Variants in DTD1 observed in about 807,000 individuals in gnomAD.
The protein encoded by DTD1 is D-tyrosyl-tRNA deacylase 1 homolog.
Under a neutral mutation model 25.6 loss-of-function variants are expected in DTD1, and 13 were observed. The ratio of observed to expected loss-of-function variants is 0.51; its 90% CI spans 0.33 to 0.81. The LOEUF (loss-of-function observed/expected upper bound fraction) is 0.81, where lower values mean the gene tolerates loss of function less well. DTD1 is among the 30% of genes least tolerant of loss of function. DTD1 has a pLI of 0.02. For synonymous variants in DTD1, 110 were observed against 103.6 expected, an observed-to-expected ratio of 1.06 and a Z score of -0.37; for missense variants, 193 against 266.4, an observed-to-expected ratio of 0.72 and a Z score of 1.92.
chr20:18,641,269 T>A (rs2060827147), intron 4 of DTD1, among the ~76,000 whole-genome samples: 1 of 152,216 alleles, frequency 6.6e-6, no homozygotes, highest in South Asian at 2.1e-4. Flanking sequence ...TTGTTTCCAC[T>A]TTTTCATTAT....
chr20:18,707,170 C>T (rs1189363152), intron 4 of DTD1, among the ~76,000 whole-genome samples: 1 of 152,234 alleles, frequency 6.6e-6, no homozygotes, highest in African/African-American at 2.4e-5. Context: ...CTCCCGTTTC[C>T]TTAGCTCCCT....
chr20:18,596,150 C>T lies in DTD1; in HGVS notation c.279C>T (p.Phe93=). Reference sequence around the variant, plus strand: ...TCCTGAAGGGAAACAAGCCTGATTTCCACCTAGCAATGCCCACGGAGCAGG... The same window carrying T: ...TCCTGAAGGGAAACAAGCCTGATTTTCACCTAGCAATGCCCACGGAGCAGG... ...QCVLKGNKPD[F]HLAMPTEQAE... is the part of the protein sequence containing the mutation. Residue 93 remains phenylalanine (F), a synonymous_variant, in exon 3 of 6, where the codon TTC becomes TTT. Transcript: ENST00000377452. The T allele has an allele frequency of 6.2e-7, 1 of 1,614,188 alleles. No homozygotes were observed. The highest frequency in any genetic ancestry group is 8.5e-7 in the Non-Finnish European group (1 of 1,180,034).
intron 1 of DTD1, 72 bp from the exon 2 acceptor site, chr20:18,593,659 T>C: frequency 9.5e-7 from 1 of 1,055,064 alleles, no homozygotes; most frequent in South Asian, 1.3e-5. Context: ...AAAATACTCC[T>C]ATGGTTACTT....
intron 3 of DTD1, among the ~76,000 whole-genome samples, chr20:18,597,689 C>T (rs1226774388): frequency 2.0e-5 from 3 of 152,110 alleles, no homozygotes; most frequent in Non-Finnish European, 4.4e-5. Flanking sequence ...ATCCATGTTG[C>T]CACTTTTCTT....
intron 4 of DTD1, among the ~76,000 whole-genome samples, chr20:18,665,938 C>CATATTGGGTAACATATTGTCAAATATGT: frequency 6.6e-6 from 1 of 152,076 alleles, no homozygotes; most frequent in South Asian, 2.1e-4. Flanking sequence ...ACTGTTACCC[C>CATATTGGGTAACATATTGTCAAATATGT]CACAACATAT....
intron 4 of DTD1, among the ~76,000 whole-genome samples, chr20:18,727,539 T>C (rs1982688274): frequency 6.6e-6 from 1 of 152,172 alleles, no homozygotes; most frequent in African/African-American, 2.4e-5. Flanking sequence ...AGAGACGTTA[T>C]TCTGTAATGA....
intron 4 of DTD1, among the ~76,000 whole-genome samples, chr20:18,672,763 C>G (rs1364108958): frequency 1.3e-5 from 2 of 152,194 alleles, no homozygotes; most frequent in African/African-American, 4.8e-5. Flanking sequence ...AAGTCAACAT[C>G]CTCATTGTAA....
chr20:18,713,753 TC>T (rs373299453), intron 4 of DTD1, among the ~76,000 whole-genome samples: 1 of 152,344 alleles, frequency 6.6e-6, no homozygotes, highest in African/African-American at 2.4e-5. Context: ...CATATAGTTA[TC>T]CCCATTCTTG....
intron 4 of DTD1, among the ~76,000 whole-genome samples, chr20:18,666,887 A>G (rs2060933383): frequency 6.6e-6 from 1 of 152,208 alleles, no homozygotes; most frequent in South Asian, 2.1e-4. Context: ...TATAAATGAA[A>G]CCCAGAGTTG....
intron 2 of DTD1, 100 bp downstream of exon 2, chr20:18,593,921 C>A: frequency 1.2e-6 from 1 of 844,604 alleles, no homozygotes; most frequent in Non-Finnish European, 2.0e-6. Flanking sequence ...GAGCCCCTGT[C>A]ACTTTTAACC....
intron 4 of DTD1, among the ~76,000 whole-genome samples, chr20:18,682,161 G>A (rs902814990): frequency 3.9e-5 from 6 of 152,136 alleles, no homozygotes; most frequent in Non-Finnish European, 8.8e-5. Context: ...CTACTGAGAG[G>A]GGGAACCCGT....
chr20:18,744,213 C>T lies in DTD1; in HGVS notation c.591C>T (p.Ser197=), dbSNP rs200498196. 662 of 1,612,220 alleles carry T rather than the reference C, an allele frequency of 4.1e-4. No homozygotes were observed. Among genetic ancestry groups the T allele is most frequent in the Middle Eastern group, 2.5e-3 (11 of 4,446 alleles). ...GAAAAGAAGACCGCAGTGCCAGCAG[C>T]GGGGCTGAGGGCGACGTGTCCTCTG... ...TPRKEDRSAS[S]GAEGDVSSER... The change falls in exon 5 of 6, where the codon AGC becomes AGT. Residue 197 remains serine, a synonymous_variant. Transcript: ENST00000377452.
At chr20:18,606,300 A>C (rs2060657412) in intron 3 of DTD1, among the ~76,000 whole-genome samples, 1 of 131,802 alleles carries the variant, frequency 7.6e-6, no homozygotes, top group Non-Finnish European at 1.7e-5. Flanking sequence ...GAGGATGTGG[A>C]GAAATAGGAA....
intron 4 of DTD1, among the ~76,000 whole-genome samples, chr20:18,716,895 CT>C (rs1163964871): frequency 2.0e-5 from 3 of 149,472 alleles, no homozygotes; most frequent in African/African-American, 4.9e-5. Flanking sequence ...CATGAATTTT[CT>C]TTTTTTTTTA....
chr20:18,649,209 A>G (rs55778786), intron 4 of DTD1, among the ~76,000 whole-genome samples: 81 of 149,956 alleles, frequency 5.4e-4, no homozygotes, highest in Non-Finnish European at 9.5e-4. Context: ...CAGGTCGGGG[A>G]GCCATGGGTC....
intron 4 of DTD1, among the ~76,000 whole-genome samples, chr20:18,660,187 C>G (rs909059580): frequency 6.6e-6 from 1 of 152,026 alleles, no homozygotes; most frequent in Non-Finnish European, 1.5e-5. Flanking sequence ...AGCCTGGGAG[C>G]CAGAGCGAGA....
At chr20:18,696,830 AG>A (rs2061079329) in intron 4 of DTD1, among the ~76,000 whole-genome samples, 1 of 152,008 alleles carries the variant, frequency 6.6e-6, no homozygotes, top group Admixed American at 6.5e-5. Context: ...CTGGGATTAC[AG>A]GCGTGAGCCA....
Position 18,656,727 on chromosome 20 carries a change from G to A in DTD1, c.477+28494G>A, listed in dbSNP as rs750722574. ...GAAGTCTTCTGTTTACCAGGGAATC[G>A]GAGGTTTGAAATCAAGCTTAGACTC... On this transcript the variant is annotated intron_variant, in intron 4 of 5. Coordinates refer to ENST00000377452, the MANE Select transcript of DTD1 (RefSeq NM_080820.6). Among the ~76,000 whole-genome samples, 4 of 152,240 alleles carry A rather than the reference G, an allele frequency of 2.6e-5. No homozygotes were observed. The East Asian group carries it at 5.8e-4, about 22-fold the overall frequency.
intron 3 of DTD1, among the ~76,000 whole-genome samples, chr20:18,624,579 A>G (rs2060749777): frequency 6.6e-6 from 1 of 152,126 alleles, no homozygotes; most frequent in South Asian, 2.1e-4. Context: ...TGTGTCTGAG[A>G]TGTGTCATAC....
Sources: allele counts gnomAD v4.1 joint callset (sites outside exome capture counted in the v4.1 genomes callset), GRCh38; gene constraint gnomAD v4.1.1; transcripts MANE v1.5; gene names NCBI Gene and HGNC (gene_info 2026-07-23, HGNC 2026-07-21).